The following PCDH19 variants were observed in gnomAD, a reference collection of about 807,000 sequenced individuals.
The protein encoded by PCDH19 is protocadherin 19.
Under a neutral mutation model 46.2 loss-of-function variants are expected in PCDH19, and 6 were observed. The ratio of observed to expected loss-of-function variants is 0.13; its 90% CI spans 0.07 to 0.26. The LOEUF (loss-of-function observed/expected upper bound fraction) is 0.26, where lower values mean the gene tolerates loss of function less well. PCDH19 is among the 10% of genes least tolerant of loss of function. The probability of loss-of-function intolerance (pLI) is 1.00; values close to 1 mark genes in which losing one functional copy is unlikely to be tolerated. For synonymous variants in PCDH19, 481 were observed against 415.7 expected (o/e 1.16, Z -1.91); for missense variants, 740 against 972.3 (o/e 0.76, Z 3.18).
At chrX:100,393,503 C>T (rs1257765098) in intron 3 of PCDH19, among the ~76,000 whole-genome samples, 2 of 30,551 alleles carry the variant, frequency 6.5e-5, no homozygotes, top group Non-Finnish European at 7.3e-5. Flanking sequence ...TACATACACA[C>T]ACACACACAC....
chrX:100,410,249 G>C lies in PCDH19; in HGVS notation c.-1652C>G. The C allele has an allele frequency of 6.7e-6, 2 of 298,675 alleles. No individual in the cohort carries two copies. The highest frequency in any genetic ancestry group is 1.2e-5 in the Non-Finnish European group (2 of 171,117). 24.6% of individuals were successfully genotyped at this position (298,675 alleles called of 1,213,427 possible). ...AGCCGCCGCCGCTACTGCTGCTGCT[G>C]CTCCTCCGGATGCCGCAAACTACTG... On this transcript the variant is annotated 5_prime_UTR_variant, in exon 1 of 6. Coordinates refer to ENST00000373034, the MANE Select transcript of PCDH19 (RefSeq NM_001184880.2).
chrX:100,313,773 G>A (rs1405601956), intron 5 of PCDH19, among the ~76,000 whole-genome samples: 1 of 109,496 alleles, frequency 9.1e-6, no homozygotes, highest in Non-Finnish European at 1.9e-5. Flanking sequence ...GTAGAAAAGG[G>A]TTGGAAAGGA....
At position 100,303,556 on chromosome X, in the gene PCDH19, C is replaced by CA. The variant is rs1484411374; in HGVS notation, c.2849-6682dup. Reference sequence around the variant, plus strand: ...GTCGTATTCTAAAGTAAAATTTTAGCAAAAAAAAGATGGAATTCCATCCGT... The same window carrying CA: ...GTCGTATTCTAAAGTAAAATTTTAGCAAAAAAAAAGATGGAATTCCATCCGT... On this transcript the variant is annotated intron_variant, in intron 5 of 5. Coordinates refer to ENST00000373034, the MANE Select transcript of PCDH19 (RefSeq NM_001184880.2). 5.8e-3 allele frequency among the ~76,000 whole-genome samples: 637 copies of CA among 109,858 alleles called. 6 individuals are homozygous for CA. Among genetic ancestry groups the CA allele is most frequent in the African/African-American group, 0.02 (606 of 30,300 alleles).
chrX:100,356,942 A>C (rs898828727), intron 3 of PCDH19, among the ~76,000 whole-genome samples: 13 of 111,565 alleles, frequency 1.2e-4, no homozygotes, highest in African/African-American at 4.2e-4. Flanking sequence ...ATCTTTCTTT[A>C]AAATGAGGAG....
rs762989061 is a variant in PCDH19, at chrX:100,338,298, C to T, written c.2848+3605G>A. 9.6e-4 allele frequency among the ~76,000 whole-genome samples: 97 copies of T among 101,024 alleles called. 2 individuals carry two copies. The East Asian group carries it at 9.9e-3, about 10-fold the overall frequency. 87.7% of individuals were successfully genotyped at this position (101,024 alleles called of 115,157 possible). A position where few individuals can be genotyped will look rare whatever the true frequency, so the allele number is the denominator to read the frequency against. On this transcript the variant is annotated intron_variant, in intron 5 of 5. Transcript: ENST00000373034. ...CGGAGCTTGCAGTGAGCCGAGATCCCGCCACTGCACTCCAGCCTGGGCGAC... is the reference window on the plus strand; with the variant it reads ...CGGAGCTTGCAGTGAGCCGAGATCCTGCCACTGCACTCCAGCCTGGGCGAC...
Position 100,295,169 on chromosome X carries a change from C to G in PCDH19, c.*1108G>C, listed in dbSNP as rs1442833250. Reference sequence around the variant, plus strand: ...CCATGACGTGCTTTGCAGTCTAATTCTAATCATGATTGGGAAACACTGAAT... The same window carrying G: ...CCATGACGTGCTTTGCAGTCTAATTGTAATCATGATTGGGAAACACTGAAT... On this transcript the variant is annotated 3_prime_UTR_variant, in exon 6 of 6. Transcript: ENST00000373034. 8.9e-6 allele frequency: 1 copy of G among 112,112 alleles called. No individual in the cohort carries two copies. The highest frequency in any genetic ancestry group is 1.9e-5 in the Non-Finnish European group (1 of 53,206). 9.2% of individuals were successfully genotyped at this position (112,112 alleles called of 1,213,427 possible). A position where few individuals can be genotyped will look rare whatever the true frequency, so the allele number is the denominator to read the frequency against.
At chrX:100,350,609 A>C (rs752094150) in intron 4 of PCDH19, 37 bp downstream of exon 4, 131 of 996,480 alleles carry the variant, frequency 1.3e-4, no homozygotes, top group Non-Finnish European at 1.8e-4. Context: ...TGTTAAATCA[A>C]GCTTAGTTGC....
chrX:100,301,286 T>C (rs759235910), intron 5 of PCDH19, among the ~76,000 whole-genome samples: 3 of 112,160 alleles, frequency 2.7e-5, no homozygotes, highest in African/African-American at 9.7e-5. Context: ...AGATATCCAG[T>C]CACAATGGAT....
At chrX:100,333,430 C>T (rs751749793) in intron 5 of PCDH19, among the ~76,000 whole-genome samples, 1 of 111,473 alleles carries the variant, frequency 9.0e-6, no homozygotes, top group African/African-American at 3.3e-5. Flanking sequence ...TGGCTTCCAC[C>T]ATTCCTCCAA....
chrX:100,305,702 A>G (rs886415194), intron 5 of PCDH19, among the ~76,000 whole-genome samples: 2 of 111,727 alleles, frequency 1.8e-5, no homozygotes, highest in Admixed American at 1.9e-4. Flanking sequence ...ACTCACATAA[A>G]CTTAAGGTAA....
At chrX:100,317,068 T>G (rs963972270) in intron 5 of PCDH19, among the ~76,000 whole-genome samples, 1 of 111,746 alleles carries the variant, frequency 8.9e-6, no homozygotes, top group African/African-American at 3.3e-5. Context: ...CATCCCCTAC[T>G]GATAAGAAGC....
At chrX:100,358,109 C>T (rs1490203899) in intron 3 of PCDH19, among the ~76,000 whole-genome samples, 1 of 112,148 alleles carries the variant, frequency 8.9e-6, no homozygotes, top group Non-Finnish European at 1.9e-5. Flanking sequence ...GATAAGATGA[C>T]ACAGTTAGGT....
chrX:100,295,756 G>A lies in PCDH19; in HGVS notation c.*521C>T, dbSNP rs960067812. 3.5e-5 allele frequency: 4 copies of A among 115,301 alleles called. No individual in the cohort carries two copies. The highest frequency in any genetic ancestry group is 1.3e-4 in the African/African-American group (4 of 30,627). The allele number at this position is 115,301 out of a possible 1,213,427, so 9.5% of individuals were successfully genotyped here. A position where few individuals can be genotyped will look rare whatever the true frequency, so the allele number is the denominator to read the frequency against. ...GTGTCCACAGCAAAGTAGCGGCATTGGGAAGTACTCGAGCTTCAGAAACAA... is the reference window on the plus strand; with the variant it reads ...GTGTCCACAGCAAAGTAGCGGCATTAGGAAGTACTCGAGCTTCAGAAACAA... On this transcript the variant is annotated 3_prime_UTR_variant, in exon 6 of 6. Transcript: ENST00000373034.
chrX:100,364,341 T>C (rs1366928151), intron 3 of PCDH19, among the ~76,000 whole-genome samples: 1 of 111,626 alleles, frequency 9.0e-6, no homozygotes, highest in Non-Finnish European at 1.9e-5. Flanking sequence ...ATTAGCCACA[T>C]GTAGCTAGTT....
At chrX:100,359,084 AACAC>A (rs1397755680) in intron 3 of PCDH19, among the ~76,000 whole-genome samples, 2 of 111,957 alleles carry the variant, frequency 1.8e-5, no homozygotes, top group Admixed American at 9.5e-5. Context: ...CATGAAAACA[AACAC>A]ACACGTTAAG....
chrX:100,341,457 G>C (rs1003774629), intron 5 of PCDH19, among the ~76,000 whole-genome samples: 1 of 111,760 alleles, frequency 8.9e-6, no homozygotes, highest in Non-Finnish European at 1.9e-5. Flanking sequence ...AGAGAACAGA[G>C]TCTCACTCTG....
At chrX:100,332,080 A>AT (rs1323597292) in intron 5 of PCDH19, among the ~76,000 whole-genome samples, 1 of 112,332 alleles carries the variant, frequency 8.9e-6, no homozygotes, top group East Asian at 2.8e-4. Context: ...GAGCCATCTG[A>AT]TAAAAACAAG....
intron 3 of PCDH19, among the ~76,000 whole-genome samples, chrX:100,356,458 G>A (rs1372392935): frequency 9.0e-6 from 1 of 111,414 alleles, no homozygotes; most frequent in Non-Finnish European, 1.9e-5. Context: ...ATGGCTTTTG[G>A]AAATGAGATA....
At chrX:100,368,693 A>G (rs1927137749) in intron 3 of PCDH19, among the ~76,000 whole-genome samples, 1 of 4,169 alleles carries the variant, frequency 2.4e-4, no homozygotes, top group South Asian at 0.33. Context: ...AGAAGGTCAC[A>G]AGAAGAAACG....
Sources: gnomAD v4.1 joint callset for allele counts (sites outside exome capture counted in the v4.1 genomes callset) on GRCh38, gnomAD v4.1.1 for gene constraint, MANE v1.5 for transcripts, NCBI Gene and HGNC (gene_info 2026-07-23, HGNC 2026-07-21) for gene names.